Variants in CNTNAP3 observed in about 807,000 individuals in gnomAD.
CNTNAP3 encodes the protein contactin-associated protein-like 3.
CNTNAP3 carries 36 observed loss-of-function variants against 92.1 expected under a neutral mutation model. That is an observed-to-expected ratio of 0.39 (90% CI 0.30 to 0.52). The LOEUF (loss-of-function observed/expected upper bound fraction) is 0.52, where lower values mean the gene tolerates loss of function less well. Ranked by LOEUF, CNTNAP3 falls within the 20% of genes least tolerant of loss-of-function variation. The probability of loss-of-function intolerance (pLI) is 0.76; values close to 1 mark genes in which losing one functional copy is unlikely to be tolerated. For missense variants in CNTNAP3, 534 were observed against 1,069.6 expected (o/e 0.50, Z 6.98); for synonymous variants, 232 against 422.3 (o/e 0.55, Z 5.53).
At chr9:39,116,001 A>G (rs1563882849) in intron 14 of CNTNAP3, among the ~76,000 whole-genome samples, 1 of 152,104 alleles carries the variant, frequency 6.6e-6, no homozygotes, top group Non-Finnish European at 1.5e-5. Context: ...CTAAAAATAC[A>G]AAAATTAGCC....
rs780308138 is a variant in CNTNAP3, at chr9:39,149,974, C to A, written c.1481G>T (p.Cys494Phe). 6.2e-7 allele frequency: 1 copy of A among 1,611,986 alleles called. No homozygotes were observed. The change falls in exon 10 of 24, where the codon TGC becomes TTC. Residue 494 changes from cysteine (C) to phenylalanine (F), a missense_variant. By Grantham distance (205) the Cys-to-Phe change is radical (BLOSUM62 -2). Coordinates refer to ENST00000297668, the MANE Select transcript of CNTNAP3 (RefSeq NM_033655.5). ...DSGDTYYFGG[C>F]LDNSSGSGCK... ...TCCAGAGCCAGAGCTGTTGTCCAGGCAGCCTAAATATGAAGACAAAAATAG... is the reference window on the plus strand; with the variant it reads ...TCCAGAGCCAGAGCTGTTGTCCAGGAAGCCTAAATATGAAGACAAAAATAG...
At chr9:39,122,417 G>A (rs568623170) in intron 13 of CNTNAP3, among the ~76,000 whole-genome samples, 6 of 151,754 alleles carry the variant, frequency 4.0e-5, no homozygotes, top group East Asian at 1.9e-4. Flanking sequence ...TCCTCTTCCC[G>A]CACCTTATCA....
At chr9:39,112,304 G>A (rs2778193) in intron 14 of CNTNAP3, among the ~76,000 whole-genome samples, 3 of 151,986 alleles carry the variant, frequency 2.0e-5, no homozygotes, top group African/African-American at 2.4e-5. Context: ...GGCAAAGTAG[G>A]GCCATAAGTT....
rs1825624911 is a variant in CNTNAP3 at position 39,070,989 on chromosome 9, AAGAG to A, written c.*2897_*2900del. Reference sequence around the variant, plus strand: ...GTGGGCTTCTCTATGGATTGAAGTTAAGAGAGAGAAGTGCCAGGAGTTCAGTCCA... The same window carrying A: ...GTGGGCTTCTCTATGGATTGAAGTTAAGAGAAGTGCCAGGAGTTCAGTCCA... On this transcript the variant is annotated 3_prime_UTR_variant, in exon 24 of 24. Transcript: ENST00000297668. 6.6e-6 allele frequency among the ~76,000 whole-genome samples: 1 copy of A among 152,256 alleles called. No individual in the cohort carries two copies. The highest frequency in any genetic ancestry group is 2.4e-5 in the African/African-American group (1 of 41,482).
chr9:39,123,285 G>A (rs900201392), intron 13 of CNTNAP3, among the ~76,000 whole-genome samples: 2 of 151,758 alleles, frequency 1.3e-5, no homozygotes, highest in Admixed American at 6.6e-5. Context: ...TAGTAGAGAC[G>A]TGGTTTCCCC....
intron 9 of CNTNAP3, among the ~76,000 whole-genome samples, chr9:39,151,963 G>A (rs902458841): frequency 6.7e-6 from 1 of 149,974 alleles, no homozygotes; most frequent in Non-Finnish European, 1.5e-5. Context: ...AAAGATTATA[G>A]TAAATATACA....
intron 13 of CNTNAP3, among the ~76,000 whole-genome samples, chr9:39,131,257 G>A (rs1821286075): frequency 6.6e-6 from 1 of 152,180 alleles, no homozygotes; most frequent in Non-Finnish European, 1.5e-5. Flanking sequence ...ACTTATGTAA[G>A]CTATCTCATT....
chr9:39,101,108 C>A (rs1826446843), intron 17 of CNTNAP3, among the ~76,000 whole-genome samples: 1 of 148,422 alleles, frequency 6.7e-6, no homozygotes, highest in Non-Finnish European at 1.5e-5. Flanking sequence ...AAATCAAGTT[C>A]TTGGTTTGAC....
chr9:39,112,049 A>C (rs1587713219), intron 14 of CNTNAP3, among the ~76,000 whole-genome samples: 2 of 128,820 alleles, frequency 1.6e-5, no homozygotes, highest in African/African-American at 3.5e-5. Flanking sequence ...TTTCTTTTCT[A>C]TTATTTTCTA....
intron 14 of CNTNAP3, 114 bp downstream of exon 14, chr9:39,117,989 G>T: frequency 6.4e-7 from 1 of 1,574,670 alleles, no homozygotes; most frequent in Non-Finnish European, 8.6e-7. Context: ...ATTTCAGCTT[G>T]CTTGAACATA....
chr9:39,104,471 T>TACACACACAC (rs1233368382), intron 15 of CNTNAP3, among the ~76,000 whole-genome samples: 20 of 71,884 alleles, frequency 2.8e-4, no homozygotes, highest in South Asian at 8.6e-4. Flanking sequence ...TTCCTGCACA[T>TACACACACAC]ACACATACAC....
chr9:39,112,897 C>T (rs1342118460), intron 14 of CNTNAP3, among the ~76,000 whole-genome samples: 1 of 152,088 alleles, frequency 6.6e-6, no homozygotes, highest in Non-Finnish European at 1.5e-5. Context: ...TCCTTTCATC[C>T]TTAATTTCCA....
At chr9:39,133,193 G>C (rs1266952365) in intron 12 of CNTNAP3, 58 bp from the exon 13 acceptor site, 32 of 1,515,322 alleles carry the variant, frequency 2.1e-5, no homozygotes, top group Non-Finnish European at 2.7e-6. Flanking sequence ...AGCAGCAAGA[G>C]GCAAAGCAGA....
At chr9:39,115,368 T>C (rs1286184624) in intron 14 of CNTNAP3, among the ~76,000 whole-genome samples, 5 of 152,036 alleles carry the variant, frequency 3.3e-5, no homozygotes, top group African/African-American at 9.7e-5. Context: ...CACCTTAATC[T>C]AAATTATTAC....
At chr9:39,146,835 C>T (rs2118122993) in intron 10 of CNTNAP3, among the ~76,000 whole-genome samples, 1 of 152,186 alleles carries the variant, frequency 6.6e-6, no homozygotes, top group Non-Finnish European at 1.5e-5. Flanking sequence ...CTTATCTGTC[C>T]CTAAGTAGGA....
At chr9:39,098,949 C>T (rs1263904760) in intron 18 of CNTNAP3, among the ~76,000 whole-genome samples, 2 of 150,848 alleles carry the variant, frequency 1.3e-5, no homozygotes, top group Admixed American at 6.6e-5. Flanking sequence ...GTACTTAATA[C>T]TAAAATCAGT....
chr9:39,114,055 C>CACACACAT (rs1468356379), intron 14 of CNTNAP3, among the ~76,000 whole-genome samples: 1 of 144,504 alleles, frequency 6.9e-6, no homozygotes, highest in African/African-American at 2.7e-5. Flanking sequence ...CACACACACA[C>CACACACAT]ATATATATAT....
At chr9:39,136,356 C>T (rs1821436345) in intron 12 of CNTNAP3, among the ~76,000 whole-genome samples, 1 of 151,900 alleles carries the variant, frequency 6.6e-6, no homozygotes, top group South Asian at 2.1e-4. Context: ...AAAATAAGAT[C>T]CACTGTTCTG....
chr9:39,159,397 T>TTA (rs577052848), intron 9 of CNTNAP3: 213 of 132,702 alleles, frequency 1.6e-3, no homozygotes, highest in African/African-American at 5.2e-3. Context: ...AAAAAACATT[T>TTA]TATATATATA....
Sources: allele counts gnomAD v4.1 joint callset (sites outside exome capture counted in the v4.1 genomes callset), GRCh38; gene constraint gnomAD v4.1.1; transcripts MANE v1.5; gene names NCBI Gene and HGNC (gene_info 2026-07-23, HGNC 2026-07-21).